Variants in PKD2L1 observed in about 807,000 individuals in gnomAD.
The protein encoded by PKD2L1 is polycystin 2 like 1, transient receptor potential cation channel.
Under a neutral mutation model 93.0 loss-of-function variants are expected in PKD2L1, and 77 were observed. The ratio of observed to expected loss-of-function variants is 0.83; its 90% CI spans 0.69 to 1.00. The LOEUF (loss-of-function observed/expected upper bound fraction) is 1.00. Among genes scored for constraint, PKD2L1 ranks in the 50% least tolerant of loss-of-function variants. The pLI, the probability that PKD2L1 is intolerant of heterozygous loss-of-function variation, is 0.00. For synonymous variants in PKD2L1, 390 were observed against 388.0 expected (o/e 1.01, Z -0.06); for missense variants, 977 against 990.9 (o/e 0.99, Z 0.19).
At chr10:100,324,803 C>T (rs976009116) in intron 2 of PKD2L1, among the ~76,000 whole-genome samples, 3 of 152,118 alleles carry the variant, frequency 2.0e-5, no homozygotes, top group Non-Finnish European at 4.4e-5. Context: ...TTCATCATGC[C>T]ACTGTGTTTA....
chr10:100,290,454 C>G lies in PKD2L1; in HGVS notation c.2073G>C (p.Ser691=). The G allele has an allele frequency of 6.2e-7, 1 of 1,613,774 alleles. No individual in the cohort carries two copies. Among genetic ancestry groups the G allele is most frequent in the Non-Finnish European group, 8.5e-7 (1 of 1,179,996 alleles). Reference sequence around the variant, plus strand: ...CTCCTGCTCTGGCAGCCTCTGGACCCGATTTGCCTTGTGGGCTGCTCACAA... The same window carrying G: ...CTCCTGCTCTGGCAGCCTCTGGACCGGATTTGCCTTGTGGGCTGCTCACAA... ...RSIVSSPQGK[S]GPEAARAGGW... The change falls in exon 13 of 16, where the codon TCG becomes TCC. Residue 691 remains serine, a synonymous_variant. Coordinates refer to ENST00000318222, the MANE Select transcript of PKD2L1 (RefSeq NM_016112.3).
intron 5 of PKD2L1, 56 bp from the exon 6 acceptor site, chr10:100,297,264 C>T: frequency 6.4e-7 from 1 of 1,559,792 alleles, no homozygotes. Context: ...ACGGCTCCTC[C>T]CACTTCCTCT....
At chr10:100,308,200 T>C (rs913747402) in intron 2 of PKD2L1, among the ~76,000 whole-genome samples, 1 of 152,158 alleles carries the variant, frequency 6.6e-6, no homozygotes, top group Non-Finnish European at 1.5e-5. Context: ...AATTGCTCAA[T>C]AATAACAACA....
At chr10:100,307,547 C>A (rs1218565708) in intron 2 of PKD2L1, among the ~76,000 whole-genome samples, 1 of 152,120 alleles carries the variant, frequency 6.6e-6, no homozygotes, top group Admixed American at 6.6e-5. Flanking sequence ...GTGATCCCAG[C>A]TACTTGGGAG....
Position 100,290,011 on chromosome 10 carries a change from T to A in PKD2L1, c.2250+4A>T, listed in dbSNP as rs367602741. On this transcript the variant is annotated splice_donor_region_variant and intron_variant, in intron 14 of 15. Transcript: ENST00000318222. ...CTAGGAGGACCAGGTGAAGGGCCAC[T>A]CACCACGCCTGGGGAGGGAGCCAGC... The A allele has an allele frequency of 5.5e-5, 89 of 1,614,044 alleles. No individual in the cohort carries two copies. The highest frequency in any genetic ancestry group is 6.4e-5 in the Non-Finnish European group (76 of 1,180,024).
chr10:100,319,551 T>C (rs1178178840), intron 2 of PKD2L1, among the ~76,000 whole-genome samples: 1 of 152,238 alleles, frequency 6.6e-6, no homozygotes, highest in African/African-American at 2.4e-5. Context: ...TCTTTGTTGA[T>C]TCTAGAAATA....
chr10:100,320,311 A>G (rs1385547625), intron 2 of PKD2L1, among the ~76,000 whole-genome samples: 1 of 152,230 alleles, frequency 6.6e-6, no homozygotes, highest in Non-Finnish European at 1.5e-5. Context: ...CCTGCATGAA[A>G]AAGATAACTC....
chr10:100,304,789 C>G (rs1848760804), intron 2 of PKD2L1, among the ~76,000 whole-genome samples: 1 of 152,102 alleles, frequency 6.6e-6, no homozygotes, highest in Non-Finnish European at 1.5e-5. Flanking sequence ...CCAGCAGTGT[C>G]ATGGTTTCTA....
intron 2 of PKD2L1, among the ~76,000 whole-genome samples, chr10:100,304,705 G>C (rs975486268): frequency 6.6e-6 from 1 of 152,218 alleles, no homozygotes. Flanking sequence ...GGCTGGTCCT[G>C]AACTCCTGAA....
intron 14 of PKD2L1, 40 bp from the exon 15 acceptor site, chr10:100,289,096 G>T: frequency 7.0e-7 from 1 of 1,422,756 alleles, no homozygotes; most frequent in Non-Finnish European, 9.9e-7. Context: ...TGAAGAAATA[G>T]TTTGTGTACC....
Position 100,291,418 on chromosome 10 carries a change from G to T in PKD2L1, c.1890C>A (p.His630Gln), listed in dbSNP as rs773996117. The change falls in exon 12 of 16, where the codon CAC becomes CAA. Residue 630 changes from histidine (H) to glutamine (Q), a missense_variant. By Grantham distance (24) the His-to-Gln change is conservative. Coordinates refer to ENST00000318222, the MANE Select transcript of PKD2L1 (RefSeq NM_016112.3). ...TGAGCTCAGTGATTTCATGCTCTGC[G>T]TGTCCCAGTCTGAGAAGAGGATGAT... ...DFTNTLRELG[H>Q]AEHEITELTA... 2 of 1,613,892 alleles carry T rather than the reference G, an allele frequency of 1.2e-6. No homozygotes were observed. The highest frequency in any genetic ancestry group is 1.7e-6 in the Non-Finnish European group (2 of 1,179,886).
intron 2 of PKD2L1, among the ~76,000 whole-genome samples, chr10:100,310,185 T>A (rs1460789192): frequency 6.6e-6 from 1 of 151,824 alleles, no homozygotes; most frequent in Non-Finnish European, 1.5e-5. Context: ...AGAGAAAAAA[T>A]TAGCTGGATG....
chr10:100,301,454 G>C (rs960091025), intron 2 of PKD2L1, among the ~76,000 whole-genome samples: 5 of 146,420 alleles, frequency 3.4e-5, no homozygotes, highest in African/African-American at 5.0e-5. Context: ...CATTTTAGAG[G>C]CCCCCCCCCC....
intron 2 of PKD2L1, among the ~76,000 whole-genome samples, chr10:100,304,694 A>G (rs1848758781): frequency 6.6e-6 from 1 of 152,142 alleles, no homozygotes; most frequent in African/African-American, 2.4e-5. Context: ...TATGTTGCCC[A>G]GGCTGGTCCT....
At chr10:100,327,261 GA>G (rs111784236) in intron 2 of PKD2L1, among the ~76,000 whole-genome samples, 3 of 152,202 alleles carry the variant, frequency 2.0e-5, no homozygotes, top group African/African-American at 7.2e-5. Context: ...AGCACCATGG[GA>G]AGGATCACAG....
intron 2 of PKD2L1, among the ~76,000 whole-genome samples, chr10:100,302,166 C>T (rs572506449): frequency 2.0e-5 from 3 of 152,084 alleles, no homozygotes; most frequent in Admixed American, 6.5e-5. Flanking sequence ...TCCACAATTC[C>T]TTCTCCATTT....
intron 14 of PKD2L1, 60 bp from the exon 15 acceptor site, chr10:100,289,116 T>G: frequency 4.0e-6 from 5 of 1,239,122 alleles, no homozygotes; most frequent in Non-Finnish European, 5.8e-6. Flanking sequence ...CACTTTTCTT[T>G]TCTCTCTATC....
intron 2 of PKD2L1, among the ~76,000 whole-genome samples, chr10:100,316,146 T>C (rs76429791): frequency 0.018 from 2,754 of 152,268 alleles, 77 homozygotes; most frequent in African/African-American, 0.06. Context: ...TCCTTACTCC[T>C]TGAAGGCAGA....
chr10:100,295,024 T>A lies in PKD2L1; in HGVS notation c.1456A>T (p.Ile486Phe), dbSNP rs761925777. ...AGTTGGGCATAGGCGAAGAAAACAA[T>A]GAAGAACATGACGGCGAAGCCCAGG... ...DILGFAVMFF[I>F]VFFAYAQLGY... The change falls in exon 8 of 16, where the codon ATT becomes TTT. Residue 486 changes from isoleucine (I) to phenylalanine (F), a missense_variant. Transcript: ENST00000318222. 11 of 1,613,848 alleles carry A rather than the reference T, an allele frequency of 6.8e-6. No homozygotes were observed. The African/African-American group carries it at 1.5e-4, about 22-fold the overall frequency.
Sources: allele counts gnomAD v4.1 joint callset (sites outside exome capture counted in the v4.1 genomes callset), GRCh38; gene constraint gnomAD v4.1.1; transcripts MANE v1.5; gene names NCBI Gene and HGNC (gene_info 2026-07-23, HGNC 2026-07-21).